Variants in CD276 observed in about 807,000 individuals in gnomAD.
The protein encoded by CD276 is CD276 molecule, also known as CD276 antigen.
In CD276, 34 loss-of-function variants were observed where a neutral mutation model predicts 50.0. The ratio of observed to expected loss-of-function variants is 0.68; its 90% confidence interval spans 0.52 to 0.91. The LOEUF (loss-of-function observed/expected upper bound fraction) is 0.91. CD276 is among the 40% of genes least tolerant of loss of function. CD276 has a pLI of 0.00. For synonymous variants in CD276, 275 were observed against 313.0 expected (o/e 0.88, Z 1.28); for missense variants, 634 against 717.5 (o/e 0.88, Z 1.33).
At chr15:73,699,307 G>A (rs576573532) in intron 1 of CD276, among the ~76,000 whole-genome samples, 18 of 152,252 alleles carry the variant, frequency 1.2e-4, no homozygotes, top group African/African-American at 3.9e-4. Context: ...TTCACTTGCC[G>A]CCTTGCCTCC....
At position 73,703,854 on chromosome 15, in the gene CD276, G is replaced by T. The variant is rs765178509; in HGVS notation, c.929G>T (p.Arg310Leu). ...GRDQGSAYAN[R>L]TALFPDLLAQ... The stretch of plus-strand genomic sequence containing the variant: ...GACCAGGGCAGCGCCTATGCCAACC[G>T]CACGGCCCTCTTCCCGGACCTGCTG... The change falls in exon 5 of 10, where the codon CGC (arginine) becomes CTC (leucine). Residue 310 changes from arginine to leucine, a missense_variant. Coordinates refer to ENST00000318443, the MANE Select transcript of CD276 (RefSeq NM_001024736.2). 1 of 1,613,660 alleles carries T rather than the reference G, an allele frequency of 6.2e-7. No homozygotes were observed. The highest frequency in any genetic ancestry group is 2.2e-5 in the East Asian group (1 of 44,882).
chr15:73,699,561 A>G (rs1277751994), intron 1 of CD276, 25 bp from the exon 2 acceptor site: 1 of 1,567,480 alleles, frequency 6.4e-7, no homozygotes, highest in African/African-American at 1.4e-5. Context: ...TTGGAGACAA[A>G]GGCCTTGCGT....
At chr15:73,700,755 T>C (rs990764639) in intron 2 of CD276, among the ~76,000 whole-genome samples, 18 of 152,276 alleles carry the variant, frequency 1.2e-4, no homozygotes, top group Admixed American at 2.6e-4. Context: ...TAATGAGTGC[T>C]GTATTCAATT....
rs371940763 is a variant in CD276, at chr15:73,708,410, C to A, written c.1441C>A (p.Leu481Met). ...VGLSVCLIAL[L>M]VALAFVCWRK... ...GCTGTCTGTCTGTCTCATTGCACTG[C>A]TGGTGGCCCTGGCTTTCGTGTGCTG... Residue 481 changes from leucine (L) to methionine (M), a missense_variant, in exon 7 of 10, where the codon CTG (leucine) becomes ATG (methionine). Coordinates refer to ENST00000318443, the MANE Select transcript of CD276 (RefSeq NM_001024736.2). 2 of 1,614,060 alleles carry A rather than the reference C, an allele frequency of 1.2e-6. No homozygotes were observed. Among genetic ancestry groups the A allele is most frequent in the African/African-American group, 2.7e-5 (2 of 74,938 alleles).
Position 73,702,890 on chromosome 15 carries a change from G to A in CD276, c.537G>A (p.Gln179=). The A allele has an allele frequency of 6.2e-7, 1 of 1,614,116 alleles. No individual in the cohort carries two copies. The stretch of plus-strand genomic sequence containing the variant: ...ACCCTGAGGCTGAGGTGTTCTGGCA[G>A]GATGGGCAGGGTGTGCCCCTGACTG... ...QGYPEAEVFW[Q]DGQGVPLTGN... is the part of the protein sequence containing the mutation. Residue 179 remains glutamine, a synonymous_variant, in exon 4 of 10, where the codon CAG becomes CAA. Coordinates refer to ENST00000318443, the MANE Select transcript of CD276 (RefSeq NM_001024736.2).
At chr15:73,702,639 TC>T in intron 3 of CD276, 46 bp downstream of exon 3, 1 of 1,572,418 alleles carries the variant, frequency 6.4e-7, no homozygotes, top group South Asian at 1.2e-5. Context: ...CACCCTCCAT[TC>T]CCCCTGCAGC....
chr15:73,710,449 T>C (rs1900848121), intron 8 of CD276, among the ~76,000 whole-genome samples: 1 of 152,082 alleles, frequency 6.6e-6, no homozygotes, highest in Admixed American at 6.5e-5. Flanking sequence ...CTTGGGTGGG[T>C]GCCAAGGCAC....
At chr15:73,689,429 C>G (rs932358524) in intron 1 of CD276, among the ~76,000 whole-genome samples, 2 of 152,042 alleles carry the variant, frequency 1.3e-5, no homozygotes, top group Admixed American at 1.3e-4. Flanking sequence ...GCCCAGTGGA[C>G]AGCCTTGAAC....
chr15:73,711,030 A>T, intron 8 of CD276, 105 bp from the exon 9 acceptor site: 1 of 1,202,250 alleles, frequency 8.3e-7, no homozygotes, highest in Non-Finnish European at 1.2e-6. Flanking sequence ...CACTCTGCTG[A>T]CTTGTCCCGC....
At chr15:73,695,356 G>A (rs1339031343) in intron 1 of CD276, among the ~76,000 whole-genome samples, 1 of 152,160 alleles carries the variant, frequency 6.6e-6, no homozygotes, top group African/African-American at 2.4e-5. Flanking sequence ...CTGGAGTTCA[G>A]GAAAGGGTTA....
Position 73,690,638 on chromosome 15 carries a change from T to C in CD276, c.-55+6178T>C, listed in dbSNP as rs1899952284. ...TTTTATCAGGAGCCCACTTTTCCTG[T>C]GATAACAGCATTAATCTCTTCACTT... On this transcript the variant is annotated intron_variant, in intron 1 of 9. Transcript: ENST00000318443. The C allele has an allele frequency of 8.8e-6, 4 of 453,928 alleles. No individual in the cohort carries two copies. In the Admixed American group the frequency reaches 9.4e-5, roughly 11 times the overall value. 28.1% of individuals were successfully genotyped at this position (453,928 alleles called of 1,614,324 possible). A position where few individuals can be genotyped will look rare whatever the true frequency, so the allele number is the denominator to read the frequency against.
intron 1 of CD276, chr15:73,686,372 T>C: frequency 1.2e-6 from 1 of 848,244 alleles, no homozygotes; most frequent in Non-Finnish European, 1.4e-6. Flanking sequence ...CCTGTTTTCC[T>C]TCCTGTCCCC....
At position 73,702,236 on chromosome 15, in the gene CD276, C is replaced by T; in HGVS notation, c.80-19C>T. ...CTCCTCAGTCCCCCTTATATGTTCT[C>T]CACTCCCCCTACCCCCAGGAGCCCT... On this transcript the variant is annotated intron_variant, in intron 2 of 9. Coordinates refer to ENST00000318443, the MANE Select transcript of CD276 (RefSeq NM_001024736.2). 3 of 1,579,922 alleles carry T rather than the reference C, an allele frequency of 1.9e-6. No homozygotes were observed. Among genetic ancestry groups the T allele is most frequent in the Middle Eastern group, 1.7e-4 (1 of 5,964 alleles).
chr15:73,709,705 G>C lies in CD276; in HGVS notation c.1546+16G>C. 6.2e-7 allele frequency: 1 copy of C among 1,609,320 alleles called. No homozygotes were observed. Among genetic ancestry groups the C allele is most frequent in the Non-Finnish European group, 8.5e-7 (1 of 1,178,432 alleles). On this transcript the variant is annotated intron_variant, in intron 8 of 9. Coordinates refer to ENST00000318443, the MANE Select transcript of CD276 (RefSeq NM_001024736.2). ...TCCAAGACAGGTGAGTCTGAACTTG[G>C]AGCTGGCCCTCTTGGCTGGGAGAGG...
Position 73,702,392 on chromosome 15 carries a change from A to T in CD276, c.217A>T (p.Lys73Ter), listed in dbSNP as rs149927576. 5.6e-6 allele frequency: 9 copies of T among 1,613,642 alleles called. No homozygotes were observed. In the African/African-American group the frequency reaches 1.1e-4, roughly 19 times the overall value. The part of the protein sequence containing the change: ...LNLIWQLTDT[K>*]QLVHSFAEGQ... ...CCTCATCTGGCAGCTGACAGATACCAAACAGCTGGTGCACAGCTTTGCTGA... is the reference window on the plus strand; with the variant it reads ...CCTCATCTGGCAGCTGACAGATACCTAACAGCTGGTGCACAGCTTTGCTGA... Residue 73 changes from lysine (K) to a stop codon, truncating the protein, a stop_gained, in exon 3 of 10, where the codon AAA becomes TAA. Transcript: ENST00000318443. LOFTEE classifies it high-confidence loss of function.
chr15:73,695,505 A>C (rs28593036), intron 1 of CD276, among the ~76,000 whole-genome samples: 7,511 of 152,116 alleles, frequency 0.049, 639 homozygotes, highest in African/African-American at 0.17. Context: ...CAGTGATCTA[A>C]CTGCATGTCC....
In CD276 at chr15:73,709,663, A is replaced by G; in HGVS notation, c.1520A>G (p.Asp507Gly). 1 of 1,612,990 alleles carries G rather than the reference A, an allele frequency of 6.2e-7. No homozygotes were observed. Among genetic ancestry groups the G allele is most frequent in the South Asian group, 1.1e-5 (1 of 90,914 alleles). ...GCCTTTGCAGGAGCTGAGGACCAGG[A>G]TGGGGAGGGAGAAGGCTCCAAGACA... ...EEENAGAEDQ[D>G]GEGEGSKTAL... Residue 507 changes from aspartate (D) to glycine (G), a missense_variant, in exon 8 of 10, where the codon GAT becomes GGT. By Grantham distance (94) the Asp-to-Gly change is moderately conservative. Transcript: ENST00000318443.
At chr15:73,709,757 T>G in intron 8 of CD276, 68 bp downstream of exon 8, 1 of 1,505,020 alleles carries the variant, frequency 6.6e-7, no homozygotes, top group Non-Finnish European at 9.1e-7. Context: ...GAGAGGACTC[T>G]AGGATCTGGA....
intron 2 of CD276, among the ~76,000 whole-genome samples, chr15:73,702,047 G>A (rs867705008): frequency 2.6e-5 from 4 of 152,218 alleles, no homozygotes; most frequent in African/African-American, 4.8e-5. Flanking sequence ...ATTGCTCTCT[G>A]TTGCATTTCT....
Sources: allele counts gnomAD v4.1 joint callset (sites outside exome capture counted in the v4.1 genomes callset), GRCh38; gene constraint gnomAD v4.1.1; transcripts MANE v1.5; gene names NCBI Gene and HGNC (gene_info 2026-07-23, HGNC 2026-07-21).